Variants in EPB41L2 observed in about 807,000 individuals in gnomAD.
EPB41L2 encodes the protein erythrocyte membrane protein band 4.1 like 2.
In EPB41L2, 43 loss-of-function variants were observed where a neutral mutation model predicts 113.0. The observed-to-expected ratio is 0.38, with a 90% CI of 0.30 to 0.49. The LOEUF is 0.49. EPB41L2 is among the 20% of genes least tolerant of loss of function. The pLI, the probability that EPB41L2 is intolerant of heterozygous loss-of-function variation, is 0.95. For synonymous variants in EPB41L2, 442 were observed against 436.7 expected, an observed-to-expected ratio of 1.01 and a Z score of -0.15; for missense variants, 1,147 against 1,223.4, an observed-to-expected ratio of 0.94 and a Z score of 0.93.
chr6:130,929,144 A>G (rs1228855099), intron 3 of EPB41L2, among the ~76,000 whole-genome samples: 1 of 152,214 alleles, frequency 6.6e-6, no homozygotes. Flanking sequence ...AGGAAAAGCA[A>G]AAATGCAACA....
intron 1 of EPB41L2, among the ~76,000 whole-genome samples, chr6:131,033,602 T>C (rs1792682697): frequency 6.6e-6 from 1 of 152,178 alleles, no homozygotes; most frequent in African/African-American, 2.4e-5. Flanking sequence ...TCATTCAGCC[T>C]TAAAAAGGAA....
chr6:130,975,356 A>T (rs1038641554), intron 1 of EPB41L2, among the ~76,000 whole-genome samples: 1 of 152,252 alleles, frequency 6.6e-6, no homozygotes, highest in African/African-American at 2.4e-5. Flanking sequence ...CACTTTCCCT[A>T]CATTTGTGTA....
At position 130,956,076 on chromosome 6, in the gene EPB41L2, T is replaced by A. The variant is rs1817343112; in HGVS notation, c.410A>T (p.Gln137Leu). ...GDAEEMAQKKQEIKVEVKEEK... is the reference protein window; with the variant it reads ...GDAEEMAQKKLEIKVEVKEEK... ...TTCCTTGACTTCAACTTTAATCTCT[T>A]GTTTCTTCTGAGCCATTTCTTCAGC... is the stretch of plus-strand genomic sequence containing the variant. Residue 137 changes from glutamine to leucine, a missense_variant, in exon 2 of 20, where the codon CAA (glutamine) becomes CTA (leucine). By Grantham distance (113) the Gln-to-Leu change is moderately radical. Transcript: ENST00000337057. 6.2e-7 allele frequency: 1 copy of A among 1,614,074 alleles called. No individual in the cohort carries two copies. The highest frequency in any genetic ancestry group is 1.1e-5 in the South Asian group (1 of 91,088).
intron 1 of EPB41L2, among the ~76,000 whole-genome samples, chr6:130,960,079 A>G (rs1818828202): frequency 6.6e-6 from 1 of 152,216 alleles, no homozygotes; most frequent in Non-Finnish European, 1.5e-5. Context: ...AATATTCTAC[A>G]AAGTATGTAT....
intron 19 of EPB41L2, among the ~76,000 whole-genome samples, chr6:130,842,409 G>A (rs1302588592): frequency 6.6e-6 from 1 of 152,152 alleles, no homozygotes; most frequent in Non-Finnish European, 1.5e-5. Flanking sequence ...AATTGGATTT[G>A]GCAGTTATAT....
intron 1 of EPB41L2, among the ~76,000 whole-genome samples, chr6:131,028,164 A>G (rs1791289805): frequency 1.3e-5 from 2 of 152,206 alleles, no homozygotes; most frequent in Non-Finnish European, 2.9e-5. Flanking sequence ...GATTACCGAC[A>G]CCTTCTAAGA....
intron 10 of EPB41L2, among the ~76,000 whole-genome samples, chr6:130,893,659 G>A (rs9483186): frequency 0.025 from 3,784 of 152,254 alleles, 183 homozygotes; most frequent in African/African-American, 0.087. Flanking sequence ...GTGTCACAAT[G>A]GTTGTACTAT....
intron 1 of EPB41L2, among the ~76,000 whole-genome samples, chr6:130,957,463 A>G (rs1172522010): frequency 6.6e-6 from 1 of 152,058 alleles, no homozygotes; most frequent in African/African-American, 2.4e-5. Flanking sequence ...GAGTCCTGGC[A>G]CCCTGGACAA....
At chr6:131,035,465 CA>C (rs907832524) in intron 1 of EPB41L2, among the ~76,000 whole-genome samples, 13 of 152,328 alleles carry the variant, frequency 8.5e-5, no homozygotes, top group Non-Finnish European at 1.8e-4. Context: ...CCCTGACATA[CA>C]CCAACACCTT....
intron 1 of EPB41L2, among the ~76,000 whole-genome samples, chr6:131,010,315 TAC>T (rs1786615297): frequency 6.6e-6 from 1 of 152,190 alleles, no homozygotes; most frequent in African/African-American, 2.4e-5. Flanking sequence ...TTCCAGGTGC[TAC>T]AAGAGTGCTG....
intron 1 of EPB41L2, among the ~76,000 whole-genome samples, chr6:131,020,299 T>C (rs367816490): frequency 1.3e-5 from 2 of 152,182 alleles, no homozygotes; most frequent in East Asian, 3.8e-4. Flanking sequence ...ACATAAATTA[T>C]TGGTGTTTTT....
chr6:130,987,950 CA>C (rs200874342), intron 1 of EPB41L2, among the ~76,000 whole-genome samples: 57 of 151,270 alleles, frequency 3.8e-4, no homozygotes, highest in Admixed American at 6.6e-4. Flanking sequence ...CCTATCTCTA[CA>C]AAAAAAATTA....
intron 11 of EPB41L2, 106 bp downstream of exon 11, chr6:130,890,188 C>G (rs1345024240): frequency 1.7e-6 from 2 of 1,174,306 alleles, no homozygotes; most frequent in East Asian, 5.1e-5. Context: ...AAATGGCTAT[C>G]CCTGTAGGGT....
intron 1 of EPB41L2, among the ~76,000 whole-genome samples, chr6:130,962,467 A>T (rs1023168622): frequency 6.6e-6 from 1 of 152,230 alleles, no homozygotes; most frequent in Non-Finnish European, 1.5e-5. Context: ...AAGTATAAAT[A>T]CATTCCAAAG....
At chr6:130,979,074 T>C (rs1778793382) in intron 1 of EPB41L2, among the ~76,000 whole-genome samples, 1 of 152,112 alleles carries the variant, frequency 6.6e-6, no homozygotes, top group African/African-American at 2.4e-5. Context: ...TAATGCATGA[T>C]CAATATGCTA....
At chr6:130,888,954 A>C (rs1484859971) in intron 11 of EPB41L2, among the ~76,000 whole-genome samples, 1 of 152,160 alleles carries the variant, frequency 6.6e-6, no homozygotes, top group African/African-American at 2.4e-5. Flanking sequence ...TTGTTTTCCA[A>C]GTTTTTCTTC....
At chr6:131,015,808 G>A (rs1009419561) in intron 1 of EPB41L2, 1 of 152,184 alleles carries the variant, frequency 6.6e-6, no homozygotes, top group Admixed American at 6.5e-5. Context: ...TAGACAGAGA[G>A]ATGTACTTAC....
chr6:130,891,187 C>T (rs1380934711), intron 10 of EPB41L2, among the ~76,000 whole-genome samples: 1 of 152,158 alleles, frequency 6.6e-6, no homozygotes, highest in African/African-American at 2.4e-5. Flanking sequence ...AATAGGAAGA[C>T]TTTTGTTGAC....
chr6:130,882,272 A>C (rs1427679464), intron 12 of EPB41L2: 1 of 152,214 alleles, frequency 6.6e-6, no homozygotes, highest in East Asian at 1.9e-4. Flanking sequence ...ATATTTGTAA[A>C]ATAATCCTAC....
Sources: allele counts gnomAD v4.1 joint callset (sites outside exome capture counted in the v4.1 genomes callset), GRCh38; gene constraint gnomAD v4.1.1; transcripts MANE v1.5; gene names NCBI Gene and HGNC (gene_info 2026-07-23, HGNC 2026-07-21).